Variants in SRGAP2B observed in about 807,000 individuals in gnomAD.
SRGAP2B encodes the protein SLIT-ROBO Rho GTPase activating protein 2B.
Under a neutral mutation model 22.2 loss-of-function variants are expected in SRGAP2B, and 9 were observed. The ratio of observed to expected loss-of-function variants is 0.41; its 90% CI spans 0.24 to 0.71. The LOEUF is 0.71. Ranked by LOEUF, SRGAP2B falls within the 30% of genes least tolerant of loss-of-function variation. The pLI, the probability that SRGAP2B is intolerant of heterozygous loss-of-function variation, is 0.35. For missense variants in SRGAP2B, 114 were observed against 235.8 expected (o/e 0.48, Z 3.38); for synonymous variants, 36 against 87.4 (o/e 0.41, Z 3.28).
intron 2 of SRGAP2B, among the ~76,000 whole-genome samples, chr1:145,030,716 AAAAAAAT>A (rs1338857030): frequency 2.2e-3 from 143 of 65,760 alleles, no homozygotes; most frequent in Non-Finnish European, 3.0e-3. Flanking sequence ...AAAAAAAAAA[AAAAAAAT>A]ATATATATAT....
intron 2 of SRGAP2B, among the ~76,000 whole-genome samples, chr1:145,021,809 C>T (rs587771759): frequency 1.4e-5 from 2 of 140,366 alleles, no homozygotes; most frequent in South Asian, 2.2e-4. Flanking sequence ...AGCAAAACTC[C>T]GTCTCAAAAA....
intron 3 of SRGAP2B, among the ~76,000 whole-genome samples, chr1:144,993,609 G>A (rs1327269517): frequency 2.8e-4 from 42 of 149,312 alleles, no homozygotes; most frequent in Non-Finnish European, 4.4e-5. Flanking sequence ...TCAGGAGGTA[G>A]GCTGAGGCAG....
At chr1:144,966,648 C>A (rs1553612302) in intron 3 of SRGAP2B, among the ~76,000 whole-genome samples, 2 of 146,454 alleles carry the variant, frequency 1.4e-5, no homozygotes, top group Admixed American at 6.6e-5. Flanking sequence ...ACAATATTAA[C>A]CTTAAATGTA....
chr1:145,009,033 TGGGCGTGGTGGC>T (rs1671823952), intron 2 of SRGAP2B, among the ~76,000 whole-genome samples: 2 of 145,612 alleles, frequency 1.4e-5, no homozygotes, highest in Admixed American at 1.4e-4. Flanking sequence ...AAAAAGTAGC[TGGGCGTGGTGGC>T]GGGCGCCTGT....
At chr1:144,985,193 T>G (rs1473210991) in intron 3 of SRGAP2B, among the ~76,000 whole-genome samples, 8 of 130,642 alleles carry the variant, frequency 6.1e-5, no homozygotes, top group Non-Finnish European at 1.1e-4. Flanking sequence ...TATAATTTCA[T>G]ATGGGAAAGA....
At chr1:145,019,155 C>T (rs1478460878) in intron 2 of SRGAP2B, among the ~76,000 whole-genome samples, 2 of 15,166 alleles carry the variant, frequency 1.3e-4, no homozygotes, top group Non-Finnish European at 2.3e-4. Flanking sequence ...CCAGCCTGGG[C>T]AAAATAAGGA....
intron 2 of SRGAP2B, among the ~76,000 whole-genome samples, chr1:145,041,686 A>G (rs1249017585): frequency 7.3e-6 from 1 of 136,904 alleles, no homozygotes; most frequent in Non-Finnish European, 1.5e-5. Flanking sequence ...AGTAAAATGC[A>G]AATGAATCAT....
chr1:144,909,488 G>A (rs1663249613), intron 5 of SRGAP2B, among the ~76,000 whole-genome samples: 1 of 144,586 alleles, frequency 6.9e-6, no homozygotes, highest in Admixed American at 6.8e-5. Context: ...TCGGGAGGCT[G>A]AGGCAGGAGA....
At chr1:145,061,776 G>T (rs1474314088) in intron 2 of SRGAP2B, among the ~76,000 whole-genome samples, 1 of 136,290 alleles carries the variant, frequency 7.3e-6, no homozygotes, top group African/African-American at 2.8e-5. Flanking sequence ...TTTTTTTTTA[G>T]TAGAGACGGG....
chr1:145,056,992 C>G (rs1303950528), intron 2 of SRGAP2B, among the ~76,000 whole-genome samples: 1 of 139,408 alleles, frequency 7.2e-6, no homozygotes, highest in Admixed American at 7.2e-5. Flanking sequence ...CACACACACA[C>G]GCAAACTCCT....
chr1:144,984,281 T>C (rs1570925298), intron 3 of SRGAP2B, among the ~76,000 whole-genome samples: 2 of 147,978 alleles, frequency 1.4e-5, no homozygotes, highest in African/African-American at 2.6e-5. Context: ...GATCGTGCCA[T>C]TGCACTCCAG....
chr1:144,966,445 C>A (rs1307634182), intron 3 of SRGAP2B, among the ~76,000 whole-genome samples: 4 of 147,122 alleles, frequency 2.7e-5, no homozygotes, highest in South Asian at 4.2e-4. Flanking sequence ...AAATGCTGAC[C>A]GATTTTGTCA....
rs587655381 is a variant in SRGAP2B, at chr1:145,089,973, C to A, written c.67+2862G>T. On this transcript the variant is annotated intron_variant, in intron 2 of 9. Coordinates refer to ENST00000612199, the Ensembl canonical transcript of SRGAP2B. ...AGGCTCAGACAAGTCATGTAACTTG[C>A]CTGAAGTGAAAGGCTATCTACTGGC... Among the ~76,000 whole-genome samples, 13 of 145,852 alleles carry A rather than the reference C, an allele frequency of 8.9e-5. 2 individuals are homozygous for A. In the East Asian group the frequency reaches 1.9e-3, roughly 22 times the overall value.
In SRGAP2B at chr1:145,002,597, C is replaced by CA. The variant is rs1671272978; in HGVS notation, c.68-7398dup. Among the ~76,000 whole-genome samples the CA allele has an allele frequency of 1.3e-5, 2 of 148,656 alleles. 1 individual carries two copies. Among genetic ancestry groups the CA allele is most frequent in the Non-Finnish European group, 3.0e-5 (2 of 67,708 alleles). On this transcript the variant is annotated intron_variant, in intron 2 of 9. Coordinates refer to ENST00000612199, the Ensembl canonical transcript of SRGAP2B. Reference sequence around the variant, plus strand: ...AAAAGATATATAAAAAAGAAACAAACAAAAAAACCACTTTGCCTTGGATTT... The same window carrying CA: ...AAAAGATATATAAAAAAGAAACAAACAAAAAAAACCACTTTGCCTTGGATTT...
chr1:145,022,707 T>C (rs1647279650), intron 2 of SRGAP2B, among the ~76,000 whole-genome samples: 1 of 150,324 alleles, frequency 6.7e-6, no homozygotes. Flanking sequence ...ATGGACGGGG[T>C]TGAAAGGGAC....
intron 4 of SRGAP2B, among the ~76,000 whole-genome samples, chr1:144,924,629 G>A (rs1389547348): frequency 6.6e-6 from 1 of 151,408 alleles, no homozygotes; most frequent in Non-Finnish European, 1.5e-5. Context: ...CTATTCGGGA[G>A]GCTGAGGCAG....
Position 144,976,563 on chromosome 1 carries a change from C to T in SRGAP2B, c.260+18445G>A, listed in dbSNP as rs11249380. On this transcript the variant is annotated intron_variant, in intron 3 of 9. Coordinates refer to ENST00000612199, the Ensembl canonical transcript of SRGAP2B. ...AATACCATTTCCCACTAAAAGCAAC[C>T]GAGGCTCTCTGAAAAAATGGTCAAC... 2.6e-4 allele frequency among the ~76,000 whole-genome samples: 37 copies of T among 144,284 alleles called. 1 individual carries two copies. The highest frequency in any genetic ancestry group is 4.3e-4 in the Non-Finnish European group (29 of 67,448). 94.7% of individuals were successfully genotyped at this position (144,284 alleles called of 152,430 possible). A position where few individuals can be genotyped will look rare whatever the true frequency, so the allele number is the denominator to read the frequency against.
At chr1:144,976,044 T>G (rs1668881168) in intron 3 of SRGAP2B, among the ~76,000 whole-genome samples, 1 of 149,258 alleles carries the variant, frequency 6.7e-6, no homozygotes, top group Non-Finnish European at 1.5e-5. Flanking sequence ...CGGCTAATTT[T>G]TTTTTTTTGT....
chr1:145,041,939 G>A (rs1451797369), intron 2 of SRGAP2B, among the ~76,000 whole-genome samples: 6 of 142,492 alleles, frequency 4.2e-5, no homozygotes, highest in African/African-American at 1.7e-4. Flanking sequence ...ATCAACAGGA[G>A]TACAACAACT....
Sources: allele counts gnomAD v4.1 joint callset (sites outside exome capture counted in the v4.1 genomes callset), GRCh38; gene constraint gnomAD v4.1.1; transcripts MANE v1.5; gene names NCBI Gene and HGNC (gene_info 2026-07-23, HGNC 2026-07-21).